Variants in ZNF146 observed in about 807,000 individuals in gnomAD.
ZNF146 encodes zinc finger protein OZF.
In ZNF146, 9 loss-of-function variants were observed where a neutral mutation model predicts 22.2. The ratio of observed to expected loss-of-function variants is 0.41; its 90% CI spans 0.24 to 0.71. The LOEUF (loss-of-function observed/expected upper bound fraction) is 0.71. Ranked by LOEUF, ZNF146 falls within the 30% of genes least tolerant of loss-of-function variation. The pLI is 0.34. For synonymous variants in ZNF146, 108 were observed against 119.2 expected, an observed-to-expected ratio of 0.91 and a Z score of 0.61; for missense variants, 194 against 344.8, an observed-to-expected ratio of 0.56 and a Z score of 3.46.
intron 3 of ZNF146, among the ~76,000 whole-genome samples, chr19:36,231,342 T>C (rs1977359814): frequency 6.6e-6 from 1 of 152,152 alleles, no homozygotes; most frequent in Admixed American, 6.5e-5. Context: ...CCTGAGTAGC[T>C]GGGACTACAG....
chr19:36,222,638 T>A (rs1250425005), intron 2 of ZNF146, among the ~76,000 whole-genome samples: 1 of 152,238 alleles, frequency 6.6e-6, no homozygotes, highest in East Asian at 1.9e-4. Context: ...GAATTTTTTT[T>A]TATATGTTTA....
intron 1 of ZNF146, among the ~76,000 whole-genome samples, chr19:36,215,810 T>C (rs1476840365): frequency 1.3e-5 from 2 of 152,132 alleles, no homozygotes; most frequent in African/African-American, 2.4e-5. Context: ...TGAGAAGCAA[T>C]CCCATATAAC....
chr19:36,227,807 G>A (rs890696539), intron 2 of ZNF146, among the ~76,000 whole-genome samples: 3 of 152,152 alleles, frequency 2.0e-5, no homozygotes, highest in Non-Finnish European at 2.9e-5. Context: ...ACCCACTTCC[G>A]GCCTCCCGAA....
At chr19:36,214,745 A>G (rs1241900681), upstream of ZNF146, 1 of 152,284 alleles carries the variant, frequency 6.6e-6, no homozygotes, top group Non-Finnish European at 1.5e-5. Flanking sequence ...TAGATCGGCC[A>G]CGGACAGAAT....
intron 2 of ZNF146, among the ~76,000 whole-genome samples, chr19:36,222,311 G>T (rs1424561414): frequency 6.6e-6 from 1 of 152,146 alleles, no homozygotes; most frequent in Non-Finnish European, 1.5e-5. Flanking sequence ...GATGCACCAT[G>T]GTTGATTCAG....
At chr19:36,217,730 CA>C (rs1976670120) in intron 1 of ZNF146, among the ~76,000 whole-genome samples, 1 of 151,550 alleles carries the variant, frequency 6.6e-6, no homozygotes, top group African/African-American at 2.4e-5. Context: ...ACTAAAAATA[CA>C]AAATTAGCCA....
chr19:36,220,949 TTC>T (rs1384053490), intron 2 of ZNF146, among the ~76,000 whole-genome samples: 1 of 151,934 alleles, frequency 6.6e-6, no homozygotes, highest in Non-Finnish European at 1.5e-5. Context: ...GCCTCCCCAG[TTC>T]CAGCGATTCT....
At chr19:36,222,977 T>G (rs1976917067) in intron 2 of ZNF146, among the ~76,000 whole-genome samples, 1 of 152,066 alleles carries the variant, frequency 6.6e-6, no homozygotes, top group East Asian at 1.9e-4. Flanking sequence ...ACCAAAGACC[T>G]TTTTATTCAT....
rs1230007117 is a variant in ZNF146, at chr19:36,235,787, C to T, written c.-654C>T. On this transcript the variant is annotated 5_prime_UTR_variant, in exon 4 of 4. Coordinates refer to ENST00000443387, the MANE Select transcript of ZNF146 (RefSeq NM_007145.3). ...AGAGCGTTGAATATAAGAAAAAATACTTCCTCTGTTCTCAGATCGTATTTG... is the reference window on the plus strand; with the variant it reads ...AGAGCGTTGAATATAAGAAAAAATATTTCCTCTGTTCTCAGATCGTATTTG... The T allele has an allele frequency of 6.6e-6, 1 of 152,186 alleles. No homozygotes were observed. Among genetic ancestry groups the T allele is most frequent in the East Asian group, 1.9e-4 (1 of 5,204 alleles). The allele number at this position is 152,186 out of a possible 1,614,324, so 9.4% of individuals were successfully genotyped here. A position where few individuals can be genotyped will look rare whatever the true frequency, so the allele number is the denominator to read the frequency against.
intron 3 of ZNF146, among the ~76,000 whole-genome samples, chr19:36,231,532 A>G (rs952907378): frequency 1.3e-5 from 2 of 152,204 alleles, no homozygotes; most frequent in African/African-American, 4.8e-5. Flanking sequence ...ATAATTAACT[A>G]TAATATCAAT....
intron 2 of ZNF146, among the ~76,000 whole-genome samples, chr19:36,227,483 G>A (rs1005021400): frequency 8.6e-5 from 13 of 151,380 alleles, no homozygotes; most frequent in African/African-American, 3.2e-4. Context: ...TCCTGGGCTC[G>A]AGTGATCTTC....
chr19:36,229,314 T>C (rs1977218427), intron 3 of ZNF146, among the ~76,000 whole-genome samples: 1 of 152,238 alleles, frequency 6.6e-6, no homozygotes, highest in African/African-American at 2.4e-5. Flanking sequence ...CCTACCTTTC[T>C]TCTGCTCCCA....
intron 2 of ZNF146, among the ~76,000 whole-genome samples, chr19:36,218,825 G>C (rs146457452): frequency 1.7e-4 from 24 of 142,816 alleles, no homozygotes; most frequent in Admixed American, 5.7e-4. Flanking sequence ...TTGGTGGAGG[G>C]GGGGACAGAG....
intron 2 of ZNF146, among the ~76,000 whole-genome samples, chr19:36,227,771 T>G (rs1002312250): frequency 2.0e-5 from 3 of 152,188 alleles, no homozygotes; most frequent in Admixed American, 1.3e-4. Context: ...CAGCCTGGTC[T>G]TGAACTCCTG....
In ZNF146 at chr19:36,237,113, T is replaced by C; in HGVS notation, c.673T>C (p.Ser225Pro). 1 of 1,614,180 alleles carries C rather than the reference T, an allele frequency of 6.2e-7. No homozygotes were observed. Among genetic ancestry groups the C allele is most frequent in the Non-Finnish European group, 8.5e-7 (1 of 1,180,014 alleles). ...TTGTGGAAAAGCCTTCTCTCAGAGC[T>C]CATCTCTCACTGTGCATGTGAGAAG... ...NVCGKAFSQSSSLTVHVRSHT... is the reference protein window; with the variant it reads ...NVCGKAFSQSPSLTVHVRSHT... Residue 225 changes from serine (S) to proline (P), a missense_variant, in exon 4 of 4, where the codon TCA becomes CCA. Coordinates refer to ENST00000443387, the MANE Select transcript of ZNF146 (RefSeq NM_007145.3).
intron 3 of ZNF146, among the ~76,000 whole-genome samples, chr19:36,234,773 C>T (rs995190681): frequency 1.3e-5 from 2 of 152,242 alleles, no homozygotes; most frequent in East Asian, 3.9e-4. Context: ...CTCTGATTTC[C>T]GTATAGCAGC....
chr19:36,233,853 C>T (rs1052561196), intron 3 of ZNF146, among the ~76,000 whole-genome samples: 3 of 152,200 alleles, frequency 2.0e-5, no homozygotes, highest in Admixed American at 2.0e-4. Flanking sequence ...ATGCCTTCCT[C>T]TTATCTCAAC....
In ZNF146 at chr19:36,233,113, G is replaced by C. The variant is rs142265602; in HGVS notation, c.-782-2546G>C. ...GAAAAGCAGCTCCTGGCCAGGCGTGGTGGCTCACGCCTGTAGTGCCAGCAC... is the reference window on the plus strand; with the variant it reads ...GAAAAGCAGCTCCTGGCCAGGCGTGCTGGCTCACGCCTGTAGTGCCAGCAC... On this transcript the variant is annotated intron_variant, in intron 3 of 3. Transcript: ENST00000443387. Among the ~76,000 whole-genome samples, 137 of 152,334 alleles carry C rather than the reference G, an allele frequency of 9.0e-4. No homozygotes were observed. The East Asian group carries it at 0.018, about 20-fold the overall frequency.
chr19:36,225,745 T>C (rs1977036746), intron 2 of ZNF146, among the ~76,000 whole-genome samples: 1 of 147,514 alleles, frequency 6.8e-6, no homozygotes, highest in Admixed American at 6.9e-5. Context: ...GCCCCTGCTT[T>C]GTGATTCTTT....
Sources: gnomAD v4.1 joint callset for allele counts (sites outside exome capture counted in the v4.1 genomes callset) on GRCh38, gnomAD v4.1.1 for gene constraint, MANE v1.5 for transcripts, NCBI Gene and HGNC (gene_info 2026-07-23, HGNC 2026-07-21) for gene names.